The following UFL1 variants were observed in gnomAD, a reference collection of about 807,000 sequenced individuals.
UFL1 encodes the protein UFM1 specific ligase 1.
UFL1 carries 78 observed loss-of-function variants against 99.3 expected under a neutral mutation model. That is an observed-to-expected ratio of 0.79 (90% confidence interval 0.65 to 0.95). The LOEUF (loss-of-function observed/expected upper bound fraction) is 0.95, where lower values mean the gene tolerates loss of function less well. Ranked by LOEUF, UFL1 falls within the 40% of genes least tolerant of loss-of-function variation. The pLI is 0.00. For missense variants in UFL1, 936 were observed against 937.0 expected, an observed-to-expected ratio of 1.00 and a Z score of 0.01; for synonymous variants, 335 against 322.2, an observed-to-expected ratio of 1.04 and a Z score of -0.42.
At chr6:96,548,076 A>C (rs563260329) in intron 12 of UFL1, 88 bp from the exon 13 acceptor site, 2 of 803,324 alleles carry the variant, frequency 2.5e-6, no homozygotes, top group Non-Finnish European at 3.9e-6. Context: ...TTATTGTCTT[A>C]CTAAATATAG....
chr6:96,549,870 A>G (rs1157398486), intron 15 of UFL1, 71 bp downstream of exon 15: 1 of 1,541,102 alleles, frequency 6.5e-7, no homozygotes, highest in Non-Finnish European at 8.7e-7. Flanking sequence ...ATTTTATCTT[A>G]TTTGGAGTAA....
At chr6:96,551,311 C>A in intron 15 of UFL1, 122 bp from the exon 16 acceptor site, 3 of 597,030 alleles carry the variant, frequency 5.0e-6, no homozygotes, top group South Asian at 2.1e-5. Context: ...AATTTGAGAT[C>A]TAAAATTCAA....
At chr6:96,529,824 G>A (rs998306437) in intron 6 of UFL1, among the ~76,000 whole-genome samples, 2 of 152,114 alleles carry the variant, frequency 1.3e-5, no homozygotes, top group Non-Finnish European at 2.9e-5. Context: ...AAAGGGAGAA[G>A]GTTAGAAGGA....
chr6:96,529,561 C>T (rs934987232), intron 6 of UFL1, among the ~76,000 whole-genome samples: 8 of 152,176 alleles, frequency 5.3e-5, no homozygotes, highest in African/African-American at 1.7e-4. Context: ...TTACAACTTC[C>T]TTCTTGAAAT....
chr6:96,536,415 T>A (rs1311830667), intron 8 of UFL1, 25 bp downstream of exon 8: 1 of 1,574,760 alleles, frequency 6.4e-7, no homozygotes. Context: ...TCTTTAAAAC[T>A]AAAATTTATT....
chr6:96,539,046 G>A (rs1397224740), intron 10 of UFL1, among the ~76,000 whole-genome samples: 2 of 151,468 alleles, frequency 1.3e-5, no homozygotes, highest in African/African-American at 4.8e-5. Flanking sequence ...TAACGTAAAG[G>A]AAATTACACT....
chr6:96,528,350 T>C lies in UFL1; in HGVS notation c.466-152T>C, dbSNP rs561706025. On this transcript the variant is annotated intron_variant, in intron 5 of 18. Coordinates refer to ENST00000369278, the MANE Select transcript of UFL1 (RefSeq NM_015323.5). ...TTTGCTAGACACTGAATCTTCACTT[T>C]AGTTGATATATCTTGTAATCTATGC... The C allele has an allele frequency of 6.6e-5, 58 of 877,372 alleles. No homozygotes were observed. The Admixed American group carries it at 1.2e-3, about 18-fold the overall frequency. The allele number at this position is 877,372 out of a possible 1,614,324, so 54.3% of individuals were successfully genotyped here.
At position 96,540,524 on chromosome 6, in the gene UFL1, T is replaced by C; in HGVS notation, c.1159-11T>C. 6.3e-7 allele frequency: 1 copy of C among 1,590,106 alleles called. No individual in the cohort carries two copies. The highest frequency in any genetic ancestry group is 1.4e-5 in the African/African-American group (1 of 73,204). ...TGTTTTTCCTACCAAAAAAAGCATG[T>C]TTTATTTTAGGAAATGAAAAATAAT... On this transcript the variant is annotated splice_polypyrimidine_tract_variant and intron_variant, in intron 10 of 18. Coordinates refer to ENST00000369278, the MANE Select transcript of UFL1 (RefSeq NM_015323.5).
chr6:96,537,141 T>A (rs541532899), intron 8 of UFL1, among the ~76,000 whole-genome samples: 5 of 151,808 alleles, frequency 3.3e-5, no homozygotes, highest in Admixed American at 1.3e-4. Flanking sequence ...GTTTTTTCCT[T>A]ACGTTTTCTT....
chr6:96,537,675 T>G, intron 9 of UFL1, 126 bp downstream of exon 9: 1 of 891,062 alleles, frequency 1.1e-6, no homozygotes, highest in Non-Finnish European at 1.6e-6. Flanking sequence ...CTAATCATTG[T>G]TATAACAAAA....
intron 8 of UFL1, 62 bp downstream of exon 8, chr6:96,536,452 G>C (rs1769855946): frequency 1.5e-6 from 2 of 1,353,332 alleles, no homozygotes; most frequent in African/African-American, 1.5e-5. Context: ...TTCTTTAAAA[G>C]TATTATACTA....
At chr6:96,527,824 A>T (rs1769724667) in intron 5 of UFL1, among the ~76,000 whole-genome samples, 1 of 152,190 alleles carries the variant, frequency 6.6e-6, no homozygotes, top group Non-Finnish European at 1.5e-5. Flanking sequence ...ATTTTTCTAT[A>T]TCATAAAAAT....
intron 12 of UFL1, among the ~76,000 whole-genome samples, chr6:96,545,569 G>T (rs1211114328): frequency 6.6e-6 from 1 of 150,718 alleles, no homozygotes; most frequent in Non-Finnish European, 1.5e-5. Context: ...ATCTTATTTA[G>T]ATTATAAGGA....
chr6:96,538,416 G>C (rs1769884847), intron 9 of UFL1, among the ~76,000 whole-genome samples: 1 of 151,704 alleles, frequency 6.6e-6, no homozygotes, highest in African/African-American at 2.4e-5. Flanking sequence ...TGTTAGGCAT[G>C]CAAGTGGGGA....
At chr6:96,545,717 A>G (rs1769988937) in intron 12 of UFL1, among the ~76,000 whole-genome samples, 1 of 151,254 alleles carries the variant, frequency 6.6e-6, no homozygotes, top group South Asian at 2.1e-4. Flanking sequence ...TATTTGTATC[A>G]TCCAGGTTTA....
At chr6:96,546,617 A>G (rs1770001331) in intron 12 of UFL1, among the ~76,000 whole-genome samples, 1 of 151,704 alleles carries the variant, frequency 6.6e-6, no homozygotes, top group African/African-American at 2.4e-5. Context: ...TTCAAATTAT[A>G]CTACAAGGCT....
intron 6 of UFL1, among the ~76,000 whole-genome samples, chr6:96,531,924 T>C (rs1161649662): frequency 6.6e-6 from 1 of 152,208 alleles, no homozygotes; most frequent in South Asian, 2.1e-4. Context: ...ACCATATCTT[T>C]GTATTTGTCT....
In UFL1 at chr6:96,549,413, C is replaced by A; in HGVS notation, c.1522C>A (p.Pro508Thr). Residue 508 changes from proline (P) to threonine (T), a missense_variant and splice_region_variant, in exon 14 of 19, where the codon CCT becomes ACT. By Grantham distance (38) the Pro-to-Thr change is conservative (BLOSUM62 -1). Transcript: ENST00000369278. ...ISELAEYLIK[P>T]LNKTYLEVVR... ...TAAATATATTTGTCTTATGCACAGA[C>A]CTCTTAATAAAACTTATCTCGAGGT... The A allele has an allele frequency of 1.3e-6, 2 of 1,593,396 alleles. No homozygotes were observed. Among genetic ancestry groups the A allele is most frequent in the Non-Finnish European group, 1.7e-6 (2 of 1,173,930 alleles).
chr6:96,536,474 C>T, intron 8 of UFL1, 84 bp downstream of exon 8: 2 of 969,212 alleles, frequency 2.1e-6, no homozygotes, highest in Non-Finnish European at 2.9e-6. Flanking sequence ...CCCTAGAGTC[C>T]TCCTTTGATC....
Sources: allele counts gnomAD v4.1 joint callset (sites outside exome capture counted in the v4.1 genomes callset), GRCh38; gene constraint gnomAD v4.1.1; transcripts MANE v1.5; gene names NCBI Gene and HGNC (gene_info 2026-07-23, HGNC 2026-07-21).